KLC1: variants seen among roughly 807,000 people sequenced by gnomAD.
The protein encoded by KLC1 is kinesin 2 60/70kDa.
KLC1 carries 30 observed loss-of-function variants against 84.2 expected under a neutral mutation model. That is an observed-to-expected ratio of 0.36 (90% CI 0.27 to 0.48). The LOEUF (loss-of-function observed/expected upper bound fraction) is 0.48, where lower values mean the gene tolerates loss of function less well. KLC1 is among the 20% of genes least tolerant of loss of function. The probability of loss-of-function intolerance (pLI) is 0.99; values close to 1 mark genes in which losing one functional copy is unlikely to be tolerated. For missense variants in KLC1, 499 were observed against 805.4 expected, an observed-to-expected ratio of 0.62 and a Z score of 4.60; for synonymous variants, 289 against 293.3, an observed-to-expected ratio of 0.99 and a Z score of 0.15.
rs2079041811 is a variant in KLC1, at chr14:103,658,853, T to G, written c.492+1077T>G. Among the ~76,000 whole-genome samples, 3 of 151,708 alleles carry G rather than the reference T, an allele frequency of 2.0e-5. No individual in the cohort carries two copies. In the South Asian group the frequency reaches 6.2e-4, roughly 32 times the overall value. ...TTTGTATTTTTAGTAGAGATAGGGT[T>G]TCATTGCGTTAGCCAGGATGGTCTT... On this transcript the variant is annotated intron_variant, in intron 3 of 16. Transcript: ENST00000334553.
intron 1 of KLC1, among the ~76,000 whole-genome samples, chr14:103,649,974 C>T (rs1341952579): frequency 6.6e-6 from 1 of 152,192 alleles, no homozygotes; most frequent in Non-Finnish European, 1.5e-5. Flanking sequence ...GGATTACAGG[C>T]GTGAGCCACC....
At chr14:103,674,410 G>A (rs1415250362) in intron 9 of KLC1, among the ~76,000 whole-genome samples, 6 of 133,116 alleles carry the variant, frequency 4.5e-5, no homozygotes, top group Non-Finnish European at 1.0e-4. Context: ...TGATTCGTAT[G>A]CTTGTTTTCT....
intron 9 of KLC1, among the ~76,000 whole-genome samples, 180 bp from the exon 10 acceptor site, chr14:103,675,372 C>A (rs1263093230): frequency 6.6e-6 from 1 of 152,168 alleles, no homozygotes; most frequent in Non-Finnish European, 1.5e-5. Flanking sequence ...GTTTACTTAG[C>A]AGGCTCTGTT....
chr14:103,695,342 TATATA>T, intron 15 of KLC1: 1 of 30,322 alleles, frequency 3.3e-5, no homozygotes, highest in Non-Finnish European at 4.9e-5. Flanking sequence ...TGTGTGTGTA[TATATA>T]TATATATATA....
intron 16 of KLC1, 143 bp from the exon 17 acceptor site, chr14:103,701,058 C>T: frequency 9.7e-7 from 1 of 1,035,412 alleles, no homozygotes; most frequent in Non-Finnish European, 1.4e-6. Flanking sequence ...CCCCTCGGCC[C>T]CAGGGAGGCT....
At chr14:103,657,255 T>C (rs2078907313) in intron 2 of KLC1, among the ~76,000 whole-genome samples, 1 of 152,170 alleles carries the variant, frequency 6.6e-6, no homozygotes, top group Admixed American at 6.5e-5. Flanking sequence ...TAATACAGTT[T>C]CATCAGAAGG....
intron 1 of KLC1, among the ~76,000 whole-genome samples, chr14:103,648,608 C>T (rs1042289160): frequency 6.6e-6 from 1 of 151,804 alleles, no homozygotes; most frequent in Non-Finnish European, 1.5e-5. Context: ...CATGGCAAGA[C>T]CCTCTCTACA....
At chr14:103,677,082 A>C (rs1462930117) in intron 11 of KLC1, among the ~76,000 whole-genome samples, 3 of 152,170 alleles carry the variant, frequency 2.0e-5, no homozygotes, top group African/African-American at 7.2e-5. Context: ...AGTCGTCTCC[A>C]GGGAAAGCAT....
intron 5 of KLC1, among the ~76,000 whole-genome samples, chr14:103,667,688 G>A (rs931878167): frequency 6.6e-6 from 1 of 152,174 alleles, no homozygotes; most frequent in Admixed American, 6.6e-5. Context: ...AAAAGTTTGA[G>A]GCAGCTTACA....
chr14:103,678,595 T>A (rs2081115567), intron 12 of KLC1, among the ~76,000 whole-genome samples: 1 of 149,290 alleles, frequency 6.7e-6, no homozygotes, highest in African/African-American at 2.5e-5. Flanking sequence ...GAGTCTGAGG[T>A]GGGAGGATCG....
intron 2 of KLC1, among the ~76,000 whole-genome samples, chr14:103,655,642 C>G (rs2078777963): frequency 6.6e-6 from 1 of 151,828 alleles, no homozygotes; most frequent in Non-Finnish European, 1.5e-5. Context: ...AGTGTTTGCT[C>G]TCGCCGCCCA....
chr14:103,680,718 G>T (rs1006713003), intron 13 of KLC1, among the ~76,000 whole-genome samples: 1 of 152,124 alleles, frequency 6.6e-6, no homozygotes, highest in Non-Finnish European at 1.5e-5. Context: ...CCTGTCGCCC[G>T]CATCCTGTCA....
At chr14:103,682,742 G>T (rs2081465192) in intron 13 of KLC1, 1 of 149,248 alleles carries the variant, frequency 6.7e-6, no homozygotes, top group East Asian at 1.9e-4. Context: ...GAGAAAATGT[G>T]ATTTCAATTA....
rs1469818350 is a variant in KLC1 at position 103,675,674 on chromosome 14, T to C, written c.1312-15T>C. ...CAAGATAATTATTCATTTGAAATTA[T>C]TTCTTATAATTTAGGGAAAGCAAAA... is the stretch of plus-strand genomic sequence containing the variant. On this transcript the variant is annotated splice_polypyrimidine_tract_variant and intron_variant, in intron 10 of 16. Coordinates refer to ENST00000334553, the MANE Select transcript of KLC1 (RefSeq NM_001394837.1). 2 of 1,611,276 alleles carry C rather than the reference T, an allele frequency of 1.2e-6. No homozygotes were observed. Among genetic ancestry groups the C allele is most frequent in the East Asian group, 4.5e-5 (2 of 44,884 alleles).
intron 13 of KLC1, among the ~76,000 whole-genome samples, chr14:103,680,979 C>T (rs1451465434): frequency 6.6e-6 from 1 of 152,206 alleles, no homozygotes; most frequent in Non-Finnish European, 1.5e-5. Context: ...AAGGAGAACT[C>T]GTGTCCCCTG....
rs778710662 is a variant in KLC1 at position 103,694,063 on chromosome 14, A to G, written c.1848+1638A>G. The G allele has an allele frequency of 5.2e-5, 51 of 989,772 alleles. 1 individual carries two copies. The Admixed American group carries it at 8.3e-4, about 16-fold the overall frequency. 61.3% of individuals were successfully genotyped at this position (989,772 alleles called of 1,614,324 possible). ...CAGAACGATAGGCATTTAGTGATCT[A>G]TGGCAGTAAAGCCTGAAGCTTAGCG... On this transcript the variant is annotated intron_variant, in intron 15 of 16. Transcript: ENST00000334553. This position sits in a 1 kb window ranked among gnomAD's most constrained non-coding sequence, Gnocchi z 4.5.
chr14:103,696,334 C>A, intron 15 of KLC1: 1 of 985,410 alleles, frequency 1.0e-6, no homozygotes, highest in Non-Finnish European at 1.2e-6. Context: ...GGGGCACTCT[C>A]ATGGGCAGCA....
intron 14 of KLC1, among the ~76,000 whole-genome samples, chr14:103,691,259 A>G (rs1038828826): frequency 6.6e-6 from 1 of 150,494 alleles, no homozygotes; most frequent in Non-Finnish European, 1.5e-5. Context: ...CCTGGGCTTA[A>G]GTGAATCTTG....
intron 15 of KLC1, chr14:103,696,869 G>T (rs760482081): frequency 1.5e-5 from 13 of 881,824 alleles, no homozygotes; most frequent in Non-Finnish European, 8.9e-6. Flanking sequence ...GCCTCCCTAA[G>T]GGGATGGTCA....
Sources: gnomAD v4.1 joint callset for allele counts (sites outside exome capture counted in the v4.1 genomes callset) on GRCh38, gnomAD v4.1.1 for gene constraint, Gnocchi (gnomAD v3.1) non-coding constraint, MANE v1.5 for transcripts, NCBI Gene and HGNC (gene_info 2026-07-23, HGNC 2026-07-21) for gene names.